Variants in TTC13 observed in about 807,000 individuals in gnomAD.
TTC13 encodes tetratricopeptide repeat protein 13.
In TTC13, 62 loss-of-function variants were observed where a neutral mutation model predicts 120.0. The observed-to-expected ratio is 0.52, with a 90% CI of 0.42 to 0.64. TTC13 has a LOEUF of 0.64. Among genes scored for constraint, TTC13 ranks in the 30% least tolerant of loss-of-function variants. The probability of loss-of-function intolerance (pLI) is 0.00; values close to 1 mark genes in which losing one functional copy is unlikely to be tolerated. For synonymous variants in TTC13, 384 were observed against 393.5 expected, an observed-to-expected ratio of 0.98 and a Z score of 0.28; for missense variants, 824 against 1,050.2, an observed-to-expected ratio of 0.78 and a Z score of 2.98.
intron 22 of TTC13, among the ~76,000 whole-genome samples, chr1:230,908,003 C>CTGCTGTAAAATTCCTGGG (rs1671103706): frequency 6.6e-6 from 1 of 152,118 alleles, no homozygotes; most frequent in South Asian, 2.1e-4. Context: ...TAATTCCTGG[C>CTGCTGTAAAATTCCTGGG]TGCAATAAAA....
chr1:230,908,300 G>A (rs181341061), intron 22 of TTC13: 28 of 407,930 alleles, frequency 6.9e-5, no homozygotes, highest in Middle Eastern at 8.2e-4. Flanking sequence ...AGATCCTCTC[G>A]CTTCAGCCTC....
intron 11 of TTC13, among the ~76,000 whole-genome samples, chr1:230,931,040 T>C (rs889881658): frequency 3.3e-5 from 5 of 152,268 alleles, no homozygotes; most frequent in Non-Finnish European, 7.3e-5. Context: ...GTTCAAAATA[T>C]GGCTTTTCAA....
chr1:230,939,585 T>G, intron 7 of TTC13, 89 bp from the exon 8 acceptor site: 1 of 769,462 alleles, frequency 1.3e-6, no homozygotes, highest in Non-Finnish European at 2.1e-6. Context: ...AGAAAAAAAA[T>G]CTCAATTCAT....
In TTC13 at chr1:230,940,638, C is replaced by G. The variant is rs375644087; in HGVS notation, c.673-82G>C. 7 of 847,620 alleles carry G rather than the reference C, an allele frequency of 8.3e-6. No homozygotes were observed. In the East Asian group the frequency reaches 1.5e-4, roughly 18 times the overall value. 52.5% of individuals were successfully genotyped at this position (847,620 alleles called of 1,614,324 possible). The stretch of plus-strand genomic sequence containing the variant: ...AATGTTTTTGACTCTTCAATTCCAC[C>G]TCACCATACTCCACTCAAAAATTAC... On this transcript the variant is annotated intron_variant, in intron 6 of 22. Coordinates refer to ENST00000366661, the MANE Select transcript of TTC13 (RefSeq NM_024525.5). The surrounding 1 kb of genome is among the most constrained non-coding windows in gnomAD (Gnocchi z 4.1).
chr1:230,921,600 C>T lies in TTC13; in HGVS notation c.1815-96G>A, dbSNP rs1672582403. ...AAAGTTAATTTAAAAAAATAAGAAACTATGAGAATAATGTAGAAAAAAAAA... is the reference window on the plus strand; with the variant it reads ...AAAGTTAATTTAAAAAAATAAGAAATTATGAGAATAATGTAGAAAAAAAAA... On this transcript the variant is annotated intron_variant, in intron 15 of 22. Transcript: ENST00000366661. The T allele has an allele frequency of 4.4e-6, 3 of 682,150 alleles. 1 individual carries two copies. Among genetic ancestry groups the T allele is most frequent in the South Asian group, 2.1e-5 (1 of 47,938 alleles). 42.3% of individuals were successfully genotyped at this position (682,150 alleles called of 1,614,324 possible).
chr1:230,935,262 A>G (rs1238675428), intron 8 of TTC13, among the ~76,000 whole-genome samples: 1 of 152,226 alleles, frequency 6.6e-6, no homozygotes. Context: ...GGTGCAGGGA[A>G]GGCAAGGATG....
chr1:230,940,604 TA>T lies in TTC13; in HGVS notation c.673-49del. On this transcript the variant is annotated intron_variant, in intron 6 of 22. Coordinates refer to ENST00000366661, the MANE Select transcript of TTC13 (RefSeq NM_024525.5). This position sits in a 1 kb window ranked among gnomAD's most constrained non-coding sequence, Gnocchi z 4.1. Reference sequence around the variant, plus strand: ...CAGGAAGAATACCAATGACCAACCCTAAAATCCCAATGTTTTTGACTCTTCA... The same window carrying T: ...CAGGAAGAATACCAATGACCAACCCTAAATCCCAATGTTTTTGACTCTTCA... The T allele has an allele frequency of 1.6e-6, 2 of 1,243,276 alleles. No individual in the cohort carries two copies. Among genetic ancestry groups the T allele is most frequent in the Non-Finnish European group, 1.2e-6 (1 of 849,000 alleles). 77.0% of individuals were successfully genotyped at this position (1,243,276 alleles called of 1,614,324 possible).
intron 1 of TTC13, among the ~76,000 whole-genome samples, chr1:230,973,583 T>C (rs1677974034): frequency 6.6e-6 from 1 of 152,154 alleles, no homozygotes; most frequent in Admixed American, 6.5e-5. Flanking sequence ...GCTGAAGGCA[T>C]TGGAAAAAAA....
chr1:230,944,019 CTTCACTTCTATGTAA>C lies in TTC13; in HGVS notation c.580-136_580-122del. On this transcript the variant is annotated intron_variant, in intron 5 of 22. Coordinates refer to ENST00000366661, the MANE Select transcript of TTC13 (RefSeq NM_024525.5). This position sits in a 1 kb window ranked among gnomAD's most constrained non-coding sequence, Gnocchi z 4.0. Reference sequence around the variant, plus strand: ...CCAATTGTTTAAAAATAAATATGAACTTCACTTCTATGTAAGAGATGTGCCATGTCAAATCAGTCA... The same window carrying C: ...CCAATTGTTTAAAAATAAATATGAACGAGATGTGCCATGTCAAATCAGTCA... The C allele has an allele frequency of 2.0e-6, 1 of 510,028 alleles. No homozygotes were observed. Among genetic ancestry groups the C allele is most frequent in the Non-Finnish European group, 3.4e-6 (1 of 295,134 alleles). The allele number at this position is 510,028 out of a possible 1,614,324, so 31.6% of individuals were successfully genotyped here.
chr1:230,911,577 A>G, intron 19 of TTC13, 28 bp from the exon 20 acceptor site: 4 of 1,435,164 alleles, frequency 2.8e-6, no homozygotes, highest in South Asian at 1.3e-5. Context: ...AGACTCATAA[A>G]TACTATAAAG....
chr1:230,911,288 T>C (rs1167079145), intron 20 of TTC13, 182 bp downstream of exon 20: 1 of 494,202 alleles, frequency 2.0e-6, no homozygotes, highest in Non-Finnish European at 3.6e-6. Context: ...AACTGTCTTC[T>C]ATAATTCTTT....
At chr1:230,951,561 G>T (rs1300598345) in intron 4 of TTC13, among the ~76,000 whole-genome samples, 1 of 152,134 alleles carries the variant, frequency 6.6e-6, no homozygotes, top group East Asian at 1.9e-4. Context: ...GAGAAAAATG[G>T]TTCTCAAGTG....
chr1:230,955,124 T>G (rs963470440), intron 3 of TTC13, among the ~76,000 whole-genome samples: 1 of 152,192 alleles, frequency 6.6e-6, no homozygotes, highest in Non-Finnish European at 1.5e-5. Context: ...AACCAGTGTT[T>G]GAATATGCTA....
rs60736833 is a variant in TTC13 at position 230,958,304 on chromosome 1, G to GAA, written c.367-7_367-6dup. ...TGCAATAGACTTGGCCTGGCTCTGG[G>GAA]AAAAAAAAAAAAAAAACCCATACAT... On this transcript the variant is annotated splice_polypyrimidine_tract_variant and splice_region_variant and intron_variant, in intron 2 of 22. Transcript: ENST00000366661. 2,416 of 1,441,848 alleles carry GAA rather than the reference G, an allele frequency of 1.7e-3. No homozygotes were observed. The highest frequency in any genetic ancestry group is 3.1e-3 in the Admixed American group (137 of 43,636). 89.3% of individuals were successfully genotyped at this position (1,441,848 alleles called of 1,614,324 possible). A position where few individuals can be genotyped will look rare whatever the true frequency, so the allele number is the denominator to read the frequency against.
rs1039932964 is a variant in TTC13 at position 230,940,649 on chromosome 1, C to G, written c.673-93G>C. 6.2e-6 allele frequency: 5 copies of G among 806,768 alleles called. No individual in the cohort carries two copies. Among genetic ancestry groups the G allele is most frequent in the Non-Finnish European group, 1.0e-5 (5 of 482,006 alleles). The allele number at this position is 806,768 out of a possible 1,614,324, so 50.0% of individuals were successfully genotyped here. On this transcript the variant is annotated intron_variant, in intron 6 of 22. Transcript: ENST00000366661. The surrounding 1 kb of genome is among the most constrained non-coding windows in gnomAD (Gnocchi z 4.1). ...CTCTTCAATTCCACCTCACCATACT[C>G]CACTCAAAAATTACTCTCAGCAGGC...
At chr1:230,928,128 C>G (rs974433500) in intron 12 of TTC13, among the ~76,000 whole-genome samples, 5 of 152,106 alleles carry the variant, frequency 3.3e-5, no homozygotes, top group Admixed American at 6.6e-5. Flanking sequence ...TACTCTTGGT[C>G]CTTTGTTCTT....
chr1:230,971,064 G>A (rs182454134), intron 1 of TTC13, among the ~76,000 whole-genome samples: 2 of 152,232 alleles, frequency 1.3e-5, no homozygotes, highest in Admixed American at 1.3e-4. Flanking sequence ...AACCACAGGT[G>A]GCCAGGCGCG....
In TTC13 at chr1:230,976,926, T is replaced by G. The variant is rs142413650; in HGVS notation, c.271+1634A>C. On this transcript the variant is annotated intron_variant, in intron 1 of 22. Transcript: ENST00000366661. ...CTACTGTCTAAACGCTGGGGCTCCT[T>G]TAGCCAGTGAGCACCACATGAGCAA... Among the ~76,000 whole-genome samples, 603 of 152,308 alleles carry G rather than the reference T, an allele frequency of 4.0e-3. 2 individuals are homozygous for G. The highest frequency in any genetic ancestry group is 0.014 in the African/African-American group (564 of 41,558).
chr1:230,919,181 TTTTG>T (rs935844780), intron 17 of TTC13, among the ~76,000 whole-genome samples: 10 of 152,274 alleles, frequency 6.6e-5, no homozygotes, highest in Non-Finnish European at 1.0e-4. Flanking sequence ...GTATCTAGCT[TTTTG>T]TTTGTTTGTT....
Sources: allele counts gnomAD v4.1 joint callset (sites outside exome capture counted in the v4.1 genomes callset), GRCh38; gene constraint gnomAD v4.1.1; non-coding constraint Gnocchi (gnomAD v3.1); transcripts MANE v1.5; gene names NCBI Gene and HGNC (gene_info 2026-07-23, HGNC 2026-07-21).